The following KLHL1 variants were observed in gnomAD, a reference collection of about 807,000 sequenced individuals.
KLHL1 encodes the protein kelch-like protein 1.
Under a neutral mutation model 77.7 loss-of-function variants are expected in KLHL1, and 47 were observed. That is an observed-to-expected ratio of 0.60 (90% confidence interval 0.48 to 0.77). The LOEUF is 0.77. KLHL1 is among the 30% of genes least tolerant of loss of function. The pLI is 0.00. For missense variants in KLHL1, 925 were observed against 910.8 expected (o/e 1.02, Z -0.20); for synonymous variants, 360 against 325.2 (o/e 1.11, Z -1.15).
intron 1 of KLHL1, among the ~76,000 whole-genome samples, chr13:70,033,877 C>G (rs2439687): frequency 0.025 from 3,825 of 152,092 alleles, 148 homozygotes; most frequent in African/African-American, 0.087. Flanking sequence ...GCCCCCACCT[C>G]TGGGATTACA....
At chr13:70,043,883 G>A (rs923062502) in intron 1 of KLHL1, among the ~76,000 whole-genome samples, 33 of 152,164 alleles carry the variant, frequency 2.2e-4, no homozygotes, top group African/African-American at 7.7e-4. Context: ...ACCATTGTCA[G>A]CAACTCCACC....
chr13:69,746,153 C>A (rs1189404209), intron 7 of KLHL1, among the ~76,000 whole-genome samples: 1 of 151,504 alleles, frequency 6.6e-6, no homozygotes, highest in Admixed American at 6.6e-5. Context: ...TATGTATTGA[C>A]TATATCCAGT....
At chr13:70,047,199 G>T (rs76467557) in intron 1 of KLHL1, among the ~76,000 whole-genome samples, 314 of 149,212 alleles carry the variant, frequency 2.1e-3, no homozygotes, top group African/African-American at 7.3e-3. Flanking sequence ...CAGTATTGTA[G>T]ATATGAAACA....
chr13:69,999,589 A>C (rs1397061617), intron 1 of KLHL1, among the ~76,000 whole-genome samples: 3 of 152,086 alleles, frequency 2.0e-5, no homozygotes, highest in Non-Finnish European at 4.4e-5. Flanking sequence ...CCAATAACTA[A>C]GCAAAAATCA....
At chr13:69,768,182 C>G (rs1251468137) in intron 7 of KLHL1, among the ~76,000 whole-genome samples, 2 of 152,086 alleles carry the variant, frequency 1.3e-5, no homozygotes, top group Non-Finnish European at 2.9e-5. Context: ...CTTTAGCTTA[C>G]CAAGCTGCAA....
rs1476335628 is a variant in KLHL1 at position 69,975,770 on chromosome 13, T to A, written c.530A>T (p.Gln177Leu). The A allele has an allele frequency of 1.2e-6, 2 of 1,611,064 alleles. No homozygotes were observed. The highest frequency in any genetic ancestry group is 1.7e-6 in the Non-Finnish European group (2 of 1,179,240). The change falls in exon 2 of 11, where the codon CAA (glutamine) becomes CTA (leucine). Residue 177 changes from glutamine to leucine, a missense_variant. Gln to Leu is a moderately radical substitution (Grantham distance 113). Transcript: ENST00000377844. ...LSSTGHSMTP[Q>L]SDLDSSSSEE... ...AGAGCTACTGGAGTCCAAATCACTT[T>A]GAGGTGTCATTGAATGGCCGGTTGA...
chr13:69,890,882 A>G (rs61965689), intron 4 of KLHL1, among the ~76,000 whole-genome samples: 7 of 152,076 alleles, frequency 4.6e-5, no homozygotes, highest in African/African-American at 1.4e-4. Context: ...GCTTCTTTGC[A>G]TACATTTTAA....
intron 4 of KLHL1, among the ~76,000 whole-genome samples, chr13:69,925,375 T>A (rs901680742): frequency 6.6e-6 from 1 of 152,154 alleles, no homozygotes; most frequent in Non-Finnish European, 1.5e-5. Flanking sequence ...TAGAACACAG[T>A]CTGGCATATA....
chr13:69,964,876 ATTT>A (rs1347554046), intron 2 of KLHL1, among the ~76,000 whole-genome samples: 2 of 151,954 alleles, frequency 1.3e-5, no homozygotes, highest in East Asian at 1.9e-4. Context: ...CCATTGACTG[ATTT>A]TTGTTTGAAC....
chr13:69,961,519 C>T (rs567003804), intron 2 of KLHL1, 75 bp from the exon 3 acceptor site: 6 of 1,485,860 alleles, frequency 4.0e-6, no homozygotes, highest in Non-Finnish European at 5.6e-6. Context: ...GAATGCAACA[C>T]AGAGCACAAA....
intron 6 of KLHL1, among the ~76,000 whole-genome samples, chr13:69,799,152 T>C (rs1393298560): frequency 6.6e-6 from 1 of 152,036 alleles, no homozygotes; most frequent in African/African-American, 2.4e-5. Context: ...TGACCGATGA[T>C]GGCAGAAGAA....
intron 7 of KLHL1, among the ~76,000 whole-genome samples, chr13:69,780,866 G>A (rs1436773183): frequency 6.6e-6 from 1 of 150,884 alleles, no homozygotes; most frequent in Non-Finnish European, 1.5e-5. Flanking sequence ...CCCCCATGTG[G>A]TTTATGAAAC....
intron 4 of KLHL1, among the ~76,000 whole-genome samples, chr13:69,901,045 C>T (rs932388088): frequency 6.6e-6 from 1 of 152,128 alleles, no homozygotes; most frequent in Non-Finnish European, 1.5e-5. Context: ...AATTATTTAT[C>T]TAATTATTAC....
chr13:69,953,296 T>C (rs542067347), intron 3 of KLHL1, among the ~76,000 whole-genome samples: 197 of 151,312 alleles, frequency 1.3e-3, no homozygotes, highest in African/African-American at 4.6e-3. Context: ...TGTACAACAA[T>C]ATTAATTGTA....
chr13:69,763,144 CG>C, intron 7 of KLHL1, among the ~76,000 whole-genome samples: 1 of 152,260 alleles, frequency 6.6e-6, no homozygotes, highest in Middle Eastern at 3.4e-3. Flanking sequence ...GCAAAGGCCA[CG>C]GTTGCACAAC....
intron 7 of KLHL1, among the ~76,000 whole-genome samples, chr13:69,795,271 T>G (rs1429649063): frequency 6.6e-6 from 1 of 152,204 alleles, no homozygotes; most frequent in East Asian, 1.9e-4. Context: ...AATCTGTGTA[T>G]ATTTAATTTC....
chr13:69,923,014 A>G (rs934223968), intron 4 of KLHL1, among the ~76,000 whole-genome samples: 3 of 152,226 alleles, frequency 2.0e-5, no homozygotes, highest in Non-Finnish European at 4.4e-5. Flanking sequence ...TGAATTATTT[A>G]AAGAATTAGG....
At chr13:70,092,993 CAAAATTTAATTTTAAAT>C (rs1887703223) in intron 1 of KLHL1, among the ~76,000 whole-genome samples, 1 of 151,796 alleles carries the variant, frequency 6.6e-6, no homozygotes, top group South Asian at 2.1e-4. Flanking sequence ...AAATTTTAAA[CAAAATTTAATTTTAAAT>C]AATAAATTAT....
intron 3 of KLHL1, among the ~76,000 whole-genome samples, chr13:69,943,363 A>C (rs1156778762): frequency 6.6e-6 from 1 of 152,124 alleles, no homozygotes; most frequent in Non-Finnish European, 1.5e-5. Flanking sequence ...CACTGAAAGT[A>C]AGACAGTAAA....
Sources: gnomAD v4.1 joint callset for allele counts (sites outside exome capture counted in the v4.1 genomes callset) on GRCh38, gnomAD v4.1.1 for gene constraint, MANE v1.5 for transcripts, NCBI Gene and HGNC (gene_info 2026-07-23, HGNC 2026-07-21) for gene names.